NBEAL1: variants seen among roughly 807,000 people sequenced by gnomAD.
The protein encoded by NBEAL1 is neurobeachin like 1.
Under a neutral mutation model 351.3 loss-of-function variants are expected in NBEAL1, and 273 were observed. The ratio of observed to expected loss-of-function variants is 0.78; its 90% CI spans 0.70 to 0.86. The LOEUF is 0.86. NBEAL1 is among the 40% of genes least tolerant of loss of function. The pLI, the probability that NBEAL1 is intolerant of heterozygous loss-of-function variation, is 0.00. For missense variants in NBEAL1, 2,961 were observed against 3,201.3 expected, an observed-to-expected ratio of 0.92 and a Z score of 1.81; for synonymous variants, 1,050 against 1,086.4, an observed-to-expected ratio of 0.97 and a Z score of 0.66.
intron 9 of NBEAL1, among the ~76,000 whole-genome samples, chr2:203,083,753 G>A (rs1284618109): frequency 2.6e-5 from 4 of 152,176 alleles, no homozygotes; most frequent in African/African-American, 7.2e-5. Context: ...TGTTTTGAAA[G>A]TGTAATCTCC....
intron 11 of NBEAL1, 82 bp from the exon 12 acceptor site, chr2:203,099,543 TCAGG>T: frequency 1.3e-6 from 1 of 780,408 alleles, no homozygotes; most frequent in African/African-American, 1.8e-5. Context: ...AATTATTTTT[TCAGG>T]TTTTCAGACC....
intron 54 of NBEAL1, 112 bp from the exon 55 acceptor site, chr2:203,213,406 T>A (rs2065841203): frequency 2.0e-6 from 2 of 1,006,202 alleles, no homozygotes; most frequent in Admixed American, 5.2e-5. Flanking sequence ...CCCACATCTG[T>A]AAAATTAGAA....
intron 36 of NBEAL1, among the ~76,000 whole-genome samples, chr2:203,159,873 T>C (rs2106376307): frequency 6.6e-6 from 1 of 152,176 alleles, no homozygotes; most frequent in African/African-American, 2.4e-5. Flanking sequence ...GTGTTCTAAT[T>C]TCTCCACATC....
intron 3 of NBEAL1, among the ~76,000 whole-genome samples, chr2:203,044,766 G>T (rs1574888967): frequency 6.6e-6 from 1 of 152,208 alleles, no homozygotes; most frequent in Non-Finnish European, 1.5e-5. Flanking sequence ...GGGACATATG[G>T]CTAATCCTCA....
chr2:203,049,998 T>C (rs1269603585), intron 4 of NBEAL1, 23 bp downstream of exon 4: 2 of 1,547,070 alleles, frequency 1.3e-6, no homozygotes, highest in African/African-American at 1.4e-5. Flanking sequence ...AAAAATAAGC[T>C]AGTTTTCACT....
intron 38 of NBEAL1, among the ~76,000 whole-genome samples, 179 bp downstream of exon 38, chr2:203,167,539 G>A (rs1484313939): frequency 6.6e-6 from 1 of 152,124 alleles, no homozygotes; most frequent in Non-Finnish European, 1.5e-5. Flanking sequence ...ATACGTTTGA[G>A]TTTTGGGGGA....
At chr2:203,016,655 A>C (rs1245925085) in intron 2 of NBEAL1, among the ~76,000 whole-genome samples, 1 of 152,218 alleles carries the variant, frequency 6.6e-6, no homozygotes, top group African/African-American at 2.4e-5. Flanking sequence ...TGCGGCTTTT[A>C]TTTGATACTT....
chr2:203,134,453 C>T (rs2063151716), intron 27 of NBEAL1, among the ~76,000 whole-genome samples: 1 of 152,132 alleles, frequency 6.6e-6, no homozygotes, highest in African/African-American at 2.4e-5. Context: ...ATCTTCACGT[C>T]ATTGTGACTC....
chr2:203,130,278 T>C lies in NBEAL1; in HGVS notation c.3406-40T>C, dbSNP rs533520253. ...ATGACCTTATTTGTGCTTGTATATA[T>C]GAATGTGGTGGTTTGTTTTGTGTTG... On this transcript the variant is annotated intron_variant, in intron 24 of 55. Transcript: ENST00000683969. The C allele has an allele frequency of 5.4e-6, 8 of 1,489,946 alleles. No individual in the cohort carries two copies. The African/African-American group carries it at 1.2e-4, about 22-fold the overall frequency. 92.3% of individuals were successfully genotyped at this position (1,489,946 alleles called of 1,614,324 possible). A position where few individuals can be genotyped will look rare whatever the true frequency, so the allele number is the denominator to read the frequency against.
rs1407399646 is a variant in NBEAL1 at position 203,077,784 on chromosome 2, A to G, written c.631A>G (p.Ser211Gly). 12 of 1,463,856 alleles carry G rather than the reference A, an allele frequency of 8.2e-6. No individual in the cohort carries two copies. Among genetic ancestry groups the G allele is most frequent in the Middle Eastern group, 2.1e-4 (1 of 4,668 alleles). The allele number at this position is 1,463,856 out of a possible 1,614,324, so 90.7% of individuals were successfully genotyped here. A position where few individuals can be genotyped will look rare whatever the true frequency, so the allele number is the denominator to read the frequency against. ...CFQESEHLKESLKCCLLHLFG... is the reference protein window; with the variant it reads ...CFQESEHLKEGLKCCLLHLFG... Reference sequence around the variant, plus strand: ...TCAGGAAAGTGAACATCTCAAGGAAAGTCTTAAATGTTGCTTATTGCATCT... The same window carrying G: ...TCAGGAAAGTGAACATCTCAAGGAAGGTCTTAAATGTTGCTTATTGCATCT... The change falls in exon 8 of 56, where the codon AGT becomes GGT. Residue 211 changes from serine to glycine, a missense_variant. Ser to Gly is a moderately conservative substitution (Grantham distance 56, BLOSUM62 0). Transcript: ENST00000683969.
intron 54 of NBEAL1, among the ~76,000 whole-genome samples, chr2:203,212,942 C>G (rs931209125): frequency 6.6e-6 from 1 of 152,266 alleles, no homozygotes; most frequent in Non-Finnish European, 1.5e-5. Flanking sequence ...CAAATGCCCA[C>G]TGAGAGTCTG....
At chr2:203,168,567 G>C (rs1248161145) in intron 38 of NBEAL1, among the ~76,000 whole-genome samples, 2 of 150,460 alleles carry the variant, frequency 1.3e-5, no homozygotes, top group Non-Finnish European at 3.0e-5. Flanking sequence ...TGGGCAACAA[G>C]AGTGAAACTC....
chr2:203,143,431 C>G lies in NBEAL1; in HGVS notation c.4849-1169C>G, dbSNP rs138047870. Among the ~76,000 whole-genome samples, 342 of 152,250 alleles carry G rather than the reference C, an allele frequency of 2.2e-3. 1 individual carries two copies. The highest frequency in any genetic ancestry group is 7.7e-3 in the African/African-American group (319 of 41,552). ...GATTTCAAATAACAGAAACATCAAG[C>G]CAAATTGACTTAGTTAAGAAGATTT... is the stretch of plus-strand genomic sequence containing the variant. On this transcript the variant is annotated intron_variant, in intron 31 of 55. Coordinates refer to ENST00000683969, the MANE Select transcript of NBEAL1 (RefSeq NM_001378026.1).
At chr2:203,199,846 T>G (rs1289300172) in intron 49 of NBEAL1, among the ~76,000 whole-genome samples, 1 of 152,130 alleles carries the variant, frequency 6.6e-6, no homozygotes, top group East Asian at 1.9e-4. Flanking sequence ...AACCTTCCCT[T>G]ATTTTTAAGT....
At chr2:203,136,891 G>A in intron 29 of NBEAL1, 117 bp downstream of exon 29, 1 of 902,038 alleles carries the variant, frequency 1.1e-6, no homozygotes. Flanking sequence ...GAGAAAAAGA[G>A]AAACTTTGTG....
chr2:203,181,648 G>A (rs1463830498), intron 43 of NBEAL1: 1 of 152,134 alleles, frequency 6.6e-6, no homozygotes, highest in East Asian at 1.9e-4. Context: ...AACATGTAAT[G>A]TTAGTGTTTG....
intron 2 of NBEAL1, among the ~76,000 whole-genome samples, chr2:203,017,458 A>G (rs1178446638): frequency 1.3e-5 from 2 of 152,200 alleles, no homozygotes; most frequent in Admixed American, 1.3e-4. Context: ...GAAATGCTTA[A>G]TATGAATTTT....
At position 203,222,411 on chromosome 2, in the gene NBEAL1, T is replaced by G. The variant is rs1360610953; in HGVS notation, c.*5057T>G. ...TTTTTCTGCATAGAAATTTGTCCAT[T>G]TATCTTTATATACCAGATCCAATAT... On this transcript the variant is annotated 3_prime_UTR_variant, in exon 56 of 56. Transcript: ENST00000683969. Among the ~76,000 whole-genome samples, 1 of 152,220 alleles carries G rather than the reference T, an allele frequency of 6.6e-6. No individual in the cohort carries two copies. The highest frequency in any genetic ancestry group is 1.5e-5 in the Non-Finnish European group (1 of 68,036).
At chr2:203,191,319 G>GGTGAAAAAAAAAAA (rs2065079726) in intron 46 of NBEAL1, 1 of 335,242 alleles carries the variant, frequency 3.0e-6, no homozygotes. Flanking sequence ...TTTGACAACT[G>GGTGAAAAAAAAAAA]AAAAAAAAAA....
Sources: gnomAD v4.1 joint callset for allele counts (sites outside exome capture counted in the v4.1 genomes callset) on GRCh38, gnomAD v4.1.1 for gene constraint, MANE v1.5 for transcripts, NCBI Gene and HGNC (gene_info 2026-07-23, HGNC 2026-07-21) for gene names.